The following DCDC1 variants were observed in gnomAD, a reference collection of about 807,000 sequenced individuals.
DCDC1 encodes doublecortin domain containing 1, also known as doublecortin domain-containing protein 1.
DCDC1 carries 200 observed loss-of-function variants against 178.3 expected under a neutral mutation model. That is an observed-to-expected ratio of 1.12 (90% CI 1.00 to 1.26). DCDC1 has a LOEUF of 1.26. Ranked by LOEUF, DCDC1 falls within the 50% of genes most tolerant of loss-of-function variation. The pLI is 0.00. For synonymous variants in DCDC1, 690 were observed against 604.8 expected, an observed-to-expected ratio of 1.14 and a Z score of -2.07; for missense variants, 1,983 against 1,749.2, an observed-to-expected ratio of 1.13 and a Z score of -2.38.
intron 9 of DCDC1, among the ~76,000 whole-genome samples, chr11:31,164,862 GACTT>G (rs934030234): frequency 6.6e-6 from 1 of 152,102 alleles, no homozygotes; most frequent in Non-Finnish European, 1.5e-5. Context: ...CTCCCTCACT[GACTT>G]ACCTAGAGCA....
At chr11:31,207,874 G>T (rs1972055869) in intron 9 of DCDC1, among the ~76,000 whole-genome samples, 1 of 152,082 alleles carries the variant, frequency 6.6e-6, no homozygotes, top group Non-Finnish European at 1.5e-5. Context: ...TCTAGTCAAG[G>T]CCAATGGTAA....
At chr11:31,020,563 A>G (rs1952800687) in intron 20 of DCDC1, among the ~76,000 whole-genome samples, 1 of 152,156 alleles carries the variant, frequency 6.6e-6, no homozygotes, top group Non-Finnish European at 1.5e-5. Flanking sequence ...CTATAAATGT[A>G]TATCTTGAAA....
rs968644618 is a variant in DCDC1, at chr11:31,213,344, G to C, written c.1221+28106C>G. 9.2e-5 allele frequency among the ~76,000 whole-genome samples: 14 copies of C among 151,718 alleles called. No homozygotes were observed. In the East Asian group the frequency reaches 2.1e-3, roughly 23 times the overall value. Reference sequence around the variant, plus strand: ...AGAGACTGGATTTTAATTCCTGCCTGGCTCCTGAGTCTATTTATCAATTTG... The same window carrying C: ...AGAGACTGGATTTTAATTCCTGCCTCGCTCCTGAGTCTATTTATCAATTTG... On this transcript the variant is annotated intron_variant, in intron 9 of 38. Transcript: ENST00000684477.
In DCDC1 at chr11:31,368,942, ACAC is replaced by A. The variant is rs534970534; in HGVS notation, c.-125+752_-125+754del. The stretch of plus-strand genomic sequence containing the variant: ...GGGAGAAGAAAGAAAGGTGAGAAAA[ACAC>A]CACCACCACCACCACCACCACCACC... On this transcript the variant is annotated intron_variant, in intron 1 of 38. Transcript: ENST00000684477. Among the ~76,000 whole-genome samples the A allele has an allele frequency of 7.3e-5, 11 of 151,706 alleles. No individual in the cohort carries two copies. The East Asian group carries it at 7.7e-4, about 11-fold the overall frequency.
chr11:31,201,396 A>T (rs563315561), intron 9 of DCDC1, among the ~76,000 whole-genome samples: 62 of 152,062 alleles, frequency 4.1e-4, no homozygotes, highest in Admixed American at 3.2e-3. Context: ...TATTCATACT[A>T]AAATATAGCT....
At chr11:30,976,294 C>A (rs1950098656) in intron 20 of DCDC1, among the ~76,000 whole-genome samples, 1 of 151,962 alleles carries the variant, frequency 6.6e-6, no homozygotes, top group Non-Finnish European at 1.5e-5. Context: ...ATGGCTAAAA[C>A]CCCAAAAGCA....
chr11:30,968,711 T>TTATATATATATATATATATACATATATA (rs1949598127), intron 20 of DCDC1, among the ~76,000 whole-genome samples: 1 of 61,058 alleles, frequency 1.6e-5, no homozygotes, highest in South Asian at 4.4e-4. Flanking sequence ...ATATATCAAA[T>TTATATATATATATATATATACATATATA]TATATATATA....
intron 20 of DCDC1, among the ~76,000 whole-genome samples, chr11:30,969,232 G>A (rs2134663110): frequency 6.6e-6 from 1 of 152,254 alleles, no homozygotes; most frequent in South Asian, 2.1e-4. Flanking sequence ...TTTTGAAATA[G>A]GTAGATTTCC....
intron 13 of DCDC1, among the ~76,000 whole-genome samples, chr11:31,104,227 C>T (rs1958701951): frequency 6.6e-6 from 1 of 152,090 alleles, no homozygotes; most frequent in African/African-American, 2.4e-5. Flanking sequence ...GTTAGGCACA[C>T]TGTTTTAAGT....
chr11:30,957,476 A>C (rs1948835155), intron 20 of DCDC1, among the ~76,000 whole-genome samples: 1 of 152,176 alleles, frequency 6.6e-6, no homozygotes, highest in South Asian at 2.1e-4. Flanking sequence ...GAACTAACAG[A>C]AACATCTGAC....
chr11:31,272,949 T>C (rs1028965110), intron 7 of DCDC1, among the ~76,000 whole-genome samples: 7 of 152,184 alleles, frequency 4.6e-5, no homozygotes, highest in Non-Finnish European at 1.0e-4. Flanking sequence ...GCTTGGGGCT[T>C]GCACCCTCTG....
chr11:30,969,310 T>C (rs1949647524), intron 20 of DCDC1, among the ~76,000 whole-genome samples: 1 of 152,106 alleles, frequency 6.6e-6, no homozygotes, highest in African/African-American at 2.4e-5. Flanking sequence ...CAGAAGGAAT[T>C]TTGACACTAC....
intron 18 of DCDC1, among the ~76,000 whole-genome samples, chr11:31,067,772 T>C (rs182943598): frequency 3.2e-4 from 48 of 152,180 alleles, no homozygotes; most frequent in Middle Eastern, 6.8e-3. Context: ...TTATGCTAAG[T>C]GAAAAAAATC....
intron 20 of DCDC1, among the ~76,000 whole-genome samples, chr11:30,995,614 T>C (rs561532599): frequency 6.6e-6 from 1 of 152,124 alleles, no homozygotes; most frequent in Admixed American, 6.5e-5. Flanking sequence ...AGAAACATAG[T>C]CAACTGACTT....
Position 31,018,462 on chromosome 11 carries a change from T to C in DCDC1, c.2591+46007A>G, listed in dbSNP as rs1952640632. Among the ~76,000 whole-genome samples the C allele has an allele frequency of 2.0e-5, 3 of 152,344 alleles. No homozygotes were observed. In the South Asian group the frequency reaches 6.2e-4, roughly 32 times the overall value. ...CATTACTAAGCTCCTAAGCGCCAGATGCCCTATGCTCCTCACAGGTTCGTC... is the reference window on the plus strand; with the variant it reads ...CATTACTAAGCTCCTAAGCGCCAGACGCCCTATGCTCCTCACAGGTTCGTC... On this transcript the variant is annotated intron_variant, in intron 20 of 38. Coordinates refer to ENST00000684477, the MANE Select transcript of DCDC1 (RefSeq NM_001387274.1).
intron 9 of DCDC1, among the ~76,000 whole-genome samples, chr11:31,227,242 C>G (rs899895435): frequency 5.3e-5 from 8 of 152,106 alleles, no homozygotes; most frequent in African/African-American, 1.9e-4. Flanking sequence ...ACAAGCATGG[C>G]TCCAGCATCT....
chr11:31,214,967 T>G (rs183750102), intron 9 of DCDC1, among the ~76,000 whole-genome samples: 170 of 151,920 alleles, frequency 1.1e-3, no homozygotes, highest in African/African-American at 3.9e-3. Context: ...AAAATATTCA[T>G]GTCATATAAA....
intron 20 of DCDC1, among the ~76,000 whole-genome samples, chr11:31,011,485 A>G (rs557569633): frequency 1.2e-4 from 18 of 152,354 alleles, no homozygotes; most frequent in African/African-American, 4.1e-4. Context: ...AAAGGAAGCC[A>G]TCATGACCAA....
intron 10 of DCDC1, among the ~76,000 whole-genome samples, chr11:31,137,383 G>T (rs189153121): frequency 7.2e-6 from 1 of 138,020 alleles, no homozygotes; most frequent in African/African-American, 2.7e-5. Context: ...ACGGAGTCTC[G>T]CTGTTGCCCA....
Sources: allele counts gnomAD v4.1 joint callset (sites outside exome capture counted in the v4.1 genomes callset), GRCh38; gene constraint gnomAD v4.1.1; transcripts MANE v1.5; gene names NCBI Gene and HGNC (gene_info 2026-07-23, HGNC 2026-07-21).